Variants in PDE11A observed in about 807,000 individuals in gnomAD.
PDE11A encodes the protein phosphodiesterase 11A.
PDE11A carries 100 observed loss-of-function variants against 100.5 expected under a neutral mutation model. The ratio of observed to expected loss-of-function variants is 1.00; its 90% CI spans 0.85 to 1.18. The LOEUF (loss-of-function observed/expected upper bound fraction) is 1.18. PDE11A is among the 50% of genes most tolerant of loss of function. The pLI is 0.00. For synonymous variants in PDE11A, 381 were observed against 420.8 expected (o/e 0.91, Z 1.16); for missense variants, 1,141 against 1,152.6 (o/e 0.99, Z 0.15).
At chr2:177,814,511 G>A (rs2083005942) in intron 9 of PDE11A, among the ~76,000 whole-genome samples, 1 of 152,106 alleles carries the variant, frequency 6.6e-6, no homozygotes, top group Admixed American at 6.6e-5. Flanking sequence ...GGCTGAGAGT[G>A]GAAGCGGCAA....
At chr2:177,820,947 C>A (rs1307613645) in intron 6 of PDE11A, among the ~76,000 whole-genome samples, 1 of 151,648 alleles carries the variant, frequency 6.6e-6, no homozygotes, top group African/African-American at 2.4e-5. Context: ...AAACAGTGGT[C>A]CATATTTGAA....
intron 12 of PDE11A, among the ~76,000 whole-genome samples, chr2:177,714,428 A>C (rs2081406152): frequency 6.6e-6 from 1 of 152,232 alleles, no homozygotes; most frequent in Non-Finnish European, 1.5e-5. Context: ...TTCTCATAAC[A>C]GTCCTGTTAG....
intron 15 of PDE11A, among the ~76,000 whole-genome samples, chr2:177,695,120 G>GT (rs143396492): frequency 0.018 from 2,685 of 149,918 alleles, 77 homozygotes; most frequent in African/African-American, 0.062. Context: ...AGTTGTGTGT[G>GT]GGGGGGGAGG....
intron 2 of PDE11A, among the ~76,000 whole-genome samples, chr2:177,965,072 T>G (rs2105792450): frequency 6.6e-6 from 1 of 152,340 alleles, no homozygotes; most frequent in Admixed American, 6.5e-5. Context: ...TTCTGAGTGG[T>G]GTGAGATGGT....
chr2:177,881,349 A>G lies in PDE11A; in HGVS notation c.1303-5426T>C, dbSNP rs865952649. On this transcript the variant is annotated intron_variant, in intron 4 of 19. Coordinates refer to ENST00000286063, the MANE Select transcript of PDE11A (RefSeq NM_016953.4). The stretch of plus-strand genomic sequence containing the variant: ...CTATCTATCATCTATCTGTCTATCT[A>G]TCTATCTATCTATCTATCTATCTAT... 1.1e-4 allele frequency among the ~76,000 whole-genome samples: 16 copies of G among 145,980 alleles called. No individual in the cohort carries two copies. The South Asian group carries it at 1.9e-3, about 18-fold the overall frequency.
chr2:177,820,330 T>A (rs746607606), intron 6 of PDE11A, 35 bp from the exon 7 acceptor site: 2 of 1,080,258 alleles, frequency 1.9e-6, no homozygotes, highest in East Asian at 4.7e-5. Context: ...TAAAATTGAA[T>A]ATTAACTATT....
chr2:177,791,534 T>TA (rs35728831), intron 9 of PDE11A, among the ~76,000 whole-genome samples: 44,573 of 142,526 alleles, frequency 0.31, 6,941 homozygotes, highest in African/African-American at 0.37. Context: ...ACTTAAAGTA[T>TA]AAAAAAAAAA....
intron 2 of PDE11A, chr2:177,998,470 T>C (rs953374865): frequency 1.5e-6 from 2 of 1,343,656 alleles, no homozygotes; most frequent in Non-Finnish European, 2.1e-6. Flanking sequence ...TGCATTAGTA[T>C]ATCTGCCACT....
chr2:178,050,148 A>C (rs2086805077), intron 1 of PDE11A, among the ~76,000 whole-genome samples: 2 of 152,056 alleles, frequency 1.3e-5, no homozygotes. Flanking sequence ...CTCTGAGATG[A>C]AGCTTCCGGA....
At chr2:177,818,047 C>A in intron 7 of PDE11A, 122 bp from the exon 8 acceptor site, 1 of 682,372 alleles carries the variant, frequency 1.5e-6, no homozygotes, top group Non-Finnish European at 2.7e-6. Flanking sequence ...AAACTCTGGT[C>A]TCTCAAGTGC....
intron 2 of PDE11A, among the ~76,000 whole-genome samples, chr2:177,987,841 T>C (rs1389110987): frequency 2.6e-5 from 4 of 152,234 alleles, no homozygotes; most frequent in Non-Finnish European, 5.9e-5. Flanking sequence ...GATATTCTTT[T>C]ATTAGCTTTT....
chr2:177,784,716 C>T (rs1449049491), intron 9 of PDE11A, among the ~76,000 whole-genome samples: 8 of 152,174 alleles, frequency 5.3e-5, no homozygotes, highest in Non-Finnish European at 5.9e-5. Flanking sequence ...ATGTGACCTC[C>T]CAAGCTGAGT....
At chr2:177,696,545 A>G (rs1336236538) in intron 15 of PDE11A, among the ~76,000 whole-genome samples, 1 of 152,180 alleles carries the variant, frequency 6.6e-6, no homozygotes, top group Non-Finnish European at 1.5e-5. Flanking sequence ...GTGACCTCTG[A>G]GTGTACAATT....
intron 2 of PDE11A, among the ~76,000 whole-genome samples, chr2:177,929,688 TG>T: frequency 1.3e-5 from 2 of 152,262 alleles, no homozygotes; most frequent in South Asian, 4.1e-4. Context: ...TGTGGGGGTG[TG>T]GGAAGAGAGA....
At chr2:178,026,791 A>G (rs1173663139) in intron 1 of PDE11A, among the ~76,000 whole-genome samples, 2 of 152,198 alleles carry the variant, frequency 1.3e-5, no homozygotes, top group African/African-American at 4.8e-5. Flanking sequence ...TAGTTAATCA[A>G]AAGAGTATTA....
chr2:177,900,291 G>A (rs996172828), intron 3 of PDE11A, among the ~76,000 whole-genome samples: 10 of 152,178 alleles, frequency 6.6e-5, no homozygotes, highest in Non-Finnish European at 1.5e-4. Context: ...GCAATCTCAA[G>A]TCTGACCTCT....
intron 9 of PDE11A, among the ~76,000 whole-genome samples, chr2:177,780,060 C>A (rs950216008): frequency 7.2e-5 from 11 of 152,134 alleles, no homozygotes; most frequent in African/African-American, 2.2e-4. Context: ...TACAGCTCCA[C>A]CGGAGTGTTT....
intron 6 of PDE11A, among the ~76,000 whole-genome samples, chr2:177,825,080 A>G (rs1330673702): frequency 6.6e-6 from 1 of 152,214 alleles, no homozygotes; most frequent in Non-Finnish European, 1.5e-5. Flanking sequence ...AAGTCTAATA[A>G]GATAAGGACT....
chr2:177,646,334 A>C (rs1334370410), intron 19 of PDE11A, among the ~76,000 whole-genome samples: 1 of 152,184 alleles, frequency 6.6e-6, no homozygotes, highest in African/African-American at 2.4e-5. Flanking sequence ...CTGTGATAGA[A>C]AGTAAAGCAC....
Sources: allele counts gnomAD v4.1 joint callset (sites outside exome capture counted in the v4.1 genomes callset), GRCh38; gene constraint gnomAD v4.1.1; transcripts MANE v1.5; gene names NCBI Gene and HGNC (gene_info 2026-07-23, HGNC 2026-07-21).